FAM13A: variants seen among roughly 807,000 people sequenced by gnomAD.
FAM13A encodes protein FAM13A.
FAM13A carries 76 observed loss-of-function variants against 129.6 expected under a neutral mutation model. That is an observed-to-expected ratio of 0.59 (90% CI 0.49 to 0.71). FAM13A has a LOEUF of 0.71. Among genes scored for constraint, FAM13A ranks in the 30% least tolerant of loss-of-function variants. The pLI is 0.00. For synonymous variants in FAM13A, 443 were observed against 449.9 expected, an observed-to-expected ratio of 0.98 and a Z score of 0.20; for missense variants, 1,108 against 1,249.3, an observed-to-expected ratio of 0.89 and a Z score of 1.70.
chr4:88,848,314 T>A (rs1737020445), intron 7 of FAM13A, among the ~76,000 whole-genome samples: 1 of 152,198 alleles, frequency 6.6e-6, no homozygotes, highest in African/African-American at 2.4e-5. Context: ...TATGGCCAGC[T>A]GGTCTCTGGA....
chr4:88,945,524 T>C (rs1388437112), intron 4 of FAM13A, among the ~76,000 whole-genome samples: 1 of 152,028 alleles, frequency 6.6e-6, no homozygotes, highest in Non-Finnish European at 1.5e-5. Flanking sequence ...GTAGTTAGAA[T>C]TCCCCAATCA....
intron 5 of FAM13A, among the ~76,000 whole-genome samples, chr4:88,913,607 C>T (rs990736089): frequency 5.0e-4 from 76 of 152,290 alleles, no homozygotes; most frequent in African/African-American, 1.7e-3. Flanking sequence ...TAATACATGT[C>T]TCCTTTTACT....
chr4:88,846,119 T>C (rs1414748862), intron 7 of FAM13A, among the ~76,000 whole-genome samples: 1 of 152,186 alleles, frequency 6.6e-6, no homozygotes, highest in African/African-American at 2.4e-5. Flanking sequence ...CTTTCATTAA[T>C]TGTCAGCTTA....
At chr4:88,818,787 A>G (rs1731308059) in intron 7 of FAM13A, among the ~76,000 whole-genome samples, 1 of 152,182 alleles carries the variant, frequency 6.6e-6, no homozygotes, top group Non-Finnish European at 1.5e-5. Context: ...AGTGCCAACA[A>G]GTTAGGAAAA....
intron 3 of FAM13A, among the ~76,000 whole-genome samples, chr4:89,015,542 C>A (rs1198012575): frequency 6.6e-6 from 1 of 152,192 alleles, no homozygotes; most frequent in East Asian, 1.9e-4. Flanking sequence ...GGGCGGGTTA[C>A]CCCGATACTT....
chr4:89,010,771 G>T (rs1765622104), intron 3 of FAM13A, among the ~76,000 whole-genome samples: 1 of 152,112 alleles, frequency 6.6e-6, no homozygotes, highest in Non-Finnish European at 1.5e-5. Context: ...AGACACCAGG[G>T]TCAGGCCACC....
intron 7 of FAM13A, among the ~76,000 whole-genome samples, chr4:88,805,639 G>A (rs932044114): frequency 1.3e-5 from 2 of 151,346 alleles, no homozygotes; most frequent in African/African-American, 4.9e-5. Context: ...AAACAACACA[G>A]ACAAAATATG....
chr4:88,972,073 CTAT>C (rs1386178390), intron 4 of FAM13A, among the ~76,000 whole-genome samples: 12 of 152,086 alleles, frequency 7.9e-5, no homozygotes, highest in East Asian at 5.8e-4. Flanking sequence ...TATATTGTTA[CTAT>C]TATTATTTTG....
At chr4:88,879,123 C>T (rs1743105351) in intron 6 of FAM13A, among the ~76,000 whole-genome samples, 1 of 152,160 alleles carries the variant, frequency 6.6e-6, no homozygotes, top group African/African-American at 2.4e-5. Flanking sequence ...AGAATAGCTG[C>T]TGTCATGATG....
intron 5 of FAM13A, among the ~76,000 whole-genome samples, chr4:88,907,961 C>T (rs1280136616): frequency 6.6e-6 from 1 of 152,184 alleles, no homozygotes; most frequent in African/African-American, 2.4e-5. Context: ...GTCTGGACCA[C>T]AAAGTAGTAC....
intron 10 of FAM13A, among the ~76,000 whole-genome samples, chr4:88,783,449 G>A (rs9998110): frequency 0.099 from 14,966 of 151,920 alleles, 986 homozygotes; most frequent in African/African-American, 0.18. Flanking sequence ...ACAGGCATGC[G>A]CCACCACACT....
intron 6 of FAM13A, among the ~76,000 whole-genome samples, chr4:88,899,014 C>T (rs994197846): frequency 6.6e-6 from 1 of 151,840 alleles, no homozygotes; most frequent in African/African-American, 2.4e-5. Context: ...AAATATGGAA[C>T]CAGCCCAAAG....
In FAM13A at chr4:88,990,973, T is replaced by G; in HGVS notation, c.605A>C (p.His202Pro). 1 of 1,613,190 alleles carries G rather than the reference T, an allele frequency of 6.2e-7. No individual in the cohort carries two copies. The highest frequency in any genetic ancestry group is 1.7e-5 in the Admixed American group (1 of 60,018). The stretch of plus-strand genomic sequence containing the variant: ...TAACAGTAAAACTCCACTAACTTAC[T>G]GAAAGCAATTTGGCCCAAATACAGT... ...LATVFGPNCF[H>P]VPPGLEGMKE... The change falls in exon 4 of 24, where the codon CAT (histidine) becomes CCT (proline). Residue 202 changes from histidine to proline, a missense_variant and splice_region_variant. His to Pro is a moderately conservative substitution (Grantham distance 77). Transcript: ENST00000264344.
intron 19 of FAM13A, among the ~76,000 whole-genome samples, chr4:88,744,358 G>A (rs570883921): frequency 5.9e-5 from 9 of 152,288 alleles, no homozygotes; most frequent in South Asian, 2.1e-4. Context: ...TGAAGAGGAC[G>A]CACTTTAATA....
chr4:88,802,681 C>G (rs1727726949), intron 8 of FAM13A, among the ~76,000 whole-genome samples: 1 of 152,150 alleles, frequency 6.6e-6, no homozygotes, highest in Non-Finnish European at 1.5e-5. Flanking sequence ...GTTCCCTGTT[C>G]CTGCATCCCT....
intron 8 of FAM13A, among the ~76,000 whole-genome samples, chr4:88,804,048 A>G (rs1027472394): frequency 4.6e-5 from 7 of 151,798 alleles, no homozygotes; most frequent in Admixed American, 2.6e-4. Flanking sequence ...CGAGGTCAGG[A>G]GTTCAAGACC....
At chr4:88,872,672 C>T (rs1406600700) in intron 6 of FAM13A, among the ~76,000 whole-genome samples, 1 of 152,100 alleles carries the variant, frequency 6.6e-6, no homozygotes, top group African/African-American at 2.4e-5. Context: ...ATGTAGACCC[C>T]CACACAATAA....
chr4:88,732,368 C>T (rs183499021), intron 21 of FAM13A, 170 bp from the exon 22 acceptor site: 78 of 479,248 alleles, frequency 1.6e-4, no homozygotes, highest in East Asian at 5.1e-4. Flanking sequence ...CATCTGTATT[C>T]GATATAAATA....
intron 4 of FAM13A, among the ~76,000 whole-genome samples, chr4:88,944,058 A>G (rs986860345): frequency 6.6e-6 from 1 of 152,230 alleles, no homozygotes; most frequent in Non-Finnish European, 1.5e-5. Flanking sequence ...GATTATTTGC[A>G]TAAGTTCAAT....
Sources: allele counts gnomAD v4.1 joint callset (sites outside exome capture counted in the v4.1 genomes callset), GRCh38; gene constraint gnomAD v4.1.1; transcripts MANE v1.5; gene names NCBI Gene and HGNC (gene_info 2026-07-23, HGNC 2026-07-21).